Variants in DLG1 observed in about 807,000 individuals in gnomAD.
DLG1 encodes disks large homolog 1.
DLG1 carries 42 observed loss-of-function variants against 123.4 expected under a neutral mutation model. The observed-to-expected ratio is 0.34, with a 90% CI of 0.27 to 0.44. DLG1 has a LOEUF of 0.44. Among genes scored for constraint, DLG1 ranks in the 20% least tolerant of loss-of-function variants. The pLI is 1.00. For synonymous variants in DLG1, 317 were observed against 356.2 expected, an observed-to-expected ratio of 0.89 and a Z score of 1.24; for missense variants, 942 against 1,082.6, an observed-to-expected ratio of 0.87 and a Z score of 1.82.
chr3:197,063,921 AATTTAC>A (rs1231920203), intron 22 of DLG1, among the ~76,000 whole-genome samples: 21 of 146,550 alleles, frequency 1.4e-4, no homozygotes, highest in African/African-American at 5.3e-4. Flanking sequence ...TAGTCTTCTT[AATTTAC>A]ATTTTTTTTT....
chr3:197,058,249 G>A (rs999700387), intron 23 of DLG1, among the ~76,000 whole-genome samples: 7 of 152,046 alleles, frequency 4.6e-5, no homozygotes, highest in African/African-American at 1.7e-4. Context: ...TGAAGTGTTG[G>A]GATTATAGGG....
At chr3:197,288,407 T>C (rs969082358) in intron 3 of DLG1, among the ~76,000 whole-genome samples, 2 of 142,308 alleles carry the variant, frequency 1.4e-5, no homozygotes, top group Admixed American at 1.4e-4. Flanking sequence ...AAAAAAAATC[T>C]ATATACACAG....
intron 7 of DLG1, among the ~76,000 whole-genome samples, chr3:197,142,148 A>G (rs973957631): frequency 1.3e-5 from 2 of 152,242 alleles, no homozygotes; most frequent in African/African-American, 4.8e-5. Flanking sequence ...AAGAAAATTG[A>G]TATAATGACC....
At position 197,063,193 on chromosome 3, in the gene DLG1, A is replaced by T. The variant is rs545558168; in HGVS notation, c.2373+2083T>A. On this transcript the variant is annotated intron_variant, in intron 22 of 24. Coordinates refer to ENST00000667157, the MANE Select transcript of DLG1 (RefSeq NM_001366207.1). Reference sequence around the variant, plus strand: ...ATTGTACCCTAAAACTTAAAGTATAAAAAAAAAAAAAGAAATACAGTCAGG... The same window carrying T: ...ATTGTACCCTAAAACTTAAAGTATATAAAAAAAAAAAGAAATACAGTCAGG... Among the ~76,000 whole-genome samples, 130 of 147,916 alleles carry T rather than the reference A, an allele frequency of 8.8e-4. 2 individuals carry two copies. Among genetic ancestry groups the T allele is most frequent in the African/African-American group, 2.7e-3 (110 of 40,370 alleles).
intron 4 of DLG1, among the ~76,000 whole-genome samples, chr3:197,234,248 A>T (rs981635430): frequency 3.9e-5 from 6 of 152,234 alleles, no homozygotes; most frequent in African/African-American, 1.4e-4. Context: ...GTCCAGTTCT[A>T]ATACACAGAC....
Position 197,140,171 on chromosome 3 carries a change from CT to C in DLG1, c.681del (p.Gly229GlufsTer18). The C allele has an allele frequency of 6.2e-7, 1 of 1,613,514 alleles. No individual in the cohort carries two copies. The highest frequency in any genetic ancestry group is 8.5e-7 in the Non-Finnish European group (1 of 1,179,650). ...CTTCCATCTTGGGCGGCTGCTCCCC[CT>C]GTGATAATTTTGGTAATGAAAATAC... is the stretch of plus-strand genomic sequence containing the variant. ...DSSIFITKII[T>X]GGAAAQDGRL... On this transcript the variant is annotated frameshift_variant, in exon 8 of 25. Transcript: ENST00000667157. LOFTEE classifies it high-confidence loss of function.
intron 14 of DLG1, among the ~76,000 whole-genome samples, chr3:197,095,637 G>A (rs1016255207): frequency 1.3e-5 from 2 of 151,960 alleles, no homozygotes; most frequent in Admixed American, 6.6e-5. Context: ...AACTTTAATC[G>A]CTTGATAAAA....
chr3:197,100,522 A>G (rs1393748534), intron 14 of DLG1, among the ~76,000 whole-genome samples: 2 of 152,196 alleles, frequency 1.3e-5, no homozygotes, highest in African/African-American at 4.8e-5. Flanking sequence ...TATTTCTTTT[A>G]TGGTATTATT....
chr3:197,085,438 AT>A, intron 16 of DLG1, 141 bp downstream of exon 16: 1 of 793,736 alleles, frequency 1.3e-6, no homozygotes, highest in Non-Finnish European at 2.0e-6. Flanking sequence ...TGATCATACG[AT>A]TTTTGTCTTT....
At chr3:197,051,310 C>T (rs1361159988) in intron 24 of DLG1, among the ~76,000 whole-genome samples, 1 of 148,424 alleles carries the variant, frequency 6.7e-6, no homozygotes, top group African/African-American at 2.5e-5. Flanking sequence ...GAGGCCCCAG[C>T]TACTCGGGAG....
chr3:197,293,691 A>C (rs985024107), intron 3 of DLG1, among the ~76,000 whole-genome samples: 3 of 152,062 alleles, frequency 2.0e-5, no homozygotes, highest in African/African-American at 7.2e-5. Flanking sequence ...ATCAATCAAT[A>C]AATGATCAAT....
At chr3:197,266,784 A>G (rs892437552) in intron 4 of DLG1, among the ~76,000 whole-genome samples, 4 of 152,188 alleles carry the variant, frequency 2.6e-5, no homozygotes, top group African/African-American at 7.2e-5. Flanking sequence ...CATACCAACG[A>G]AAAAGACTGA....
At chr3:197,232,751 G>GA (rs765221376) in intron 4 of DLG1, among the ~76,000 whole-genome samples, 5,135 of 132,022 alleles carry the variant, frequency 0.039, 215 homozygotes, top group African/African-American at 0.11. Context: ...CTATCTGGCA[G>GA]AAAAAAAAAA....
At chr3:197,110,931 T>C (rs1368275240) in intron 13 of DLG1, among the ~76,000 whole-genome samples, 1 of 152,130 alleles carries the variant, frequency 6.6e-6, no homozygotes, top group Non-Finnish European at 1.5e-5. Context: ...TTTAAGGCCT[T>C]TTCTAGTCTT....
Position 197,130,677 on chromosome 3 carries a change from A to C in DLG1, c.1021-6T>G, listed in dbSNP as rs1175566726. Reference sequence around the variant, plus strand: ...TCTAAACATACGTTATTCACCTAAAAAAAGTCCCAAAAGACATTTATGACA... The same window carrying C: ...TCTAAACATACGTTATTCACCTAAACAAAGTCCCAAAAGACATTTATGACA... On this transcript the variant is annotated splice_polypyrimidine_tract_variant and splice_region_variant and intron_variant, in intron 10 of 24. Coordinates refer to ENST00000667157, the MANE Select transcript of DLG1 (RefSeq NM_001366207.1). The C allele has an allele frequency of 7.6e-6, 12 of 1,582,412 alleles. No homozygotes were observed. The highest frequency in any genetic ancestry group is 1.0e-5 in the Non-Finnish European group (12 of 1,167,132).
chr3:197,107,493 A>C lies in DLG1; in HGVS notation c.1444-2488T>G, dbSNP rs564440367. Among the ~76,000 whole-genome samples, 4 of 152,154 alleles carry C rather than the reference A, an allele frequency of 2.6e-5. No individual in the cohort carries two copies. The South Asian group carries it at 6.2e-4, about 24-fold the overall frequency. ...CTGGGAGGCGGAGCTTGCAGTGAAC[A>C]GAGATTGCGCCACTGCACTCCAGCC... On this transcript the variant is annotated intron_variant, in intron 13 of 24. Coordinates refer to ENST00000667157, the MANE Select transcript of DLG1 (RefSeq NM_001366207.1).
intron 4 of DLG1, among the ~76,000 whole-genome samples, chr3:197,245,642 T>G (rs1751255409): frequency 6.6e-6 from 1 of 152,168 alleles, no homozygotes; most frequent in Non-Finnish European, 1.5e-5. Flanking sequence ...AGAGATTTGG[T>G]TAGCATTTCT....
chr3:197,145,993 CAAAT>C (rs376255058), intron 6 of DLG1, among the ~76,000 whole-genome samples: 60 of 149,738 alleles, frequency 4.0e-4, no homozygotes, highest in African/African-American at 1.4e-3. Context: ...GACACTGTCT[CAAAT>C]AAATAAATAA....
At chr3:197,068,918 CA>C (rs1230407242) in intron 19 of DLG1, among the ~76,000 whole-genome samples, 1 of 151,972 alleles carries the variant, frequency 6.6e-6, no homozygotes, top group East Asian at 1.9e-4. Context: ...AACAGAAGGT[CA>C]AAATACAAGT....
Sources: gnomAD v4.1 joint callset for allele counts (sites outside exome capture counted in the v4.1 genomes callset) on GRCh38, gnomAD v4.1.1 for gene constraint, MANE v1.5 for transcripts, NCBI Gene and HGNC (gene_info 2026-07-23, HGNC 2026-07-21) for gene names.